PTPRF: variants seen among roughly 807,000 people sequenced by gnomAD.
The protein encoded by PTPRF is protein tyrosine phosphatase receptor type F.
A neutral mutation model predicts 201.8 loss-of-function variants in PTPRF; 59 were observed. The observed-to-expected ratio is 0.29, with a 90% CI of 0.24 to 0.36. PTPRF has a LOEUF of 0.36. Among genes scored for constraint, PTPRF ranks in the 10% least tolerant of loss-of-function variants. PTPRF has a pLI of 1.00. For missense variants in PTPRF, 2,132 were observed against 2,690.5 expected, an observed-to-expected ratio of 0.79 and a Z score of 4.59; for synonymous variants, 1,088 against 1,089.7, an observed-to-expected ratio of 1.00 and a Z score of 0.03.
intron 33 of PTPRF, 35 bp from the exon 34 acceptor site, chr1:43,621,900 C>T (rs372244650): frequency 1.6e-5 from 26 of 1,606,432 alleles, no homozygotes; most frequent in African/African-American, 4.0e-5. Flanking sequence ...TGTCCACTGG[C>T]GCGACCCACA....
rs1006220911 is a variant in PTPRF at position 43,598,027 on chromosome 1, C to T, written c.2093C>T (p.Pro698Leu). ...TDVGPGPESS[P>L]VLVRTDEDVP... ...GTGGGCCCCGGCCCCGAGAGCAGCC[C>T]GGTGCTGGTGCGCACCGATGAGGAC... The change falls in exon 12 of 34, where the codon CCG (proline) becomes CTG (leucine). Residue 698 changes from proline (P) to leucine (L), a missense_variant. Pro to Leu is a moderately conservative substitution (Grantham distance 98). Around this residue, in one of 6 missense-constraint regions of PTPRF, gnomAD observed 125 missense variants for 211.9 expected, o/e 0.59. Transcript: ENST00000359947. 1.5e-5 allele frequency: 23 copies of T among 1,510,156 alleles called. No homozygotes were observed. The East Asian group carries it at 2.0e-4, about 13-fold the overall frequency. The allele number at this position is 1,510,156 out of a possible 1,614,324, so 93.5% of individuals were successfully genotyped here.
chr1:43,616,099 G>A (rs748833548), intron 23 of PTPRF, among the ~76,000 whole-genome samples: 4 of 151,876 alleles, frequency 2.6e-5, no homozygotes, highest in African/African-American at 4.8e-5. Context: ...GGTGTGGGGT[G>A]TGCTGCGGGG....
chr1:43,598,878 C>G lies in PTPRF; in HGVS notation c.2278C>G (p.Pro760Ala), dbSNP rs781530130. ...GGAGAATGGCGAGCCCCGTGGACTCCCCATCATCCAAGACGTCATGCTAGC... is the reference window on the plus strand; with the variant it reads ...GGAGAATGGCGAGCCCCGTGGACTCGCCATCATCCAAGACGTCATGCTAGC... ...RLENGEPRGLPIIQDVMLAEA... is the reference protein window; with the variant it reads ...RLENGEPRGLAIIQDVMLAEA... The change falls in exon 13 of 34, where the codon CCC (proline) becomes GCC (alanine). Residue 760 changes from proline to alanine, a missense_variant. Coordinates refer to ENST00000359947, the MANE Select transcript of PTPRF (RefSeq NM_002840.5). The G allele has an allele frequency of 1.9e-6, 3 of 1,614,114 alleles. No homozygotes were observed. In the South Asian group the frequency reaches 3.3e-5, roughly 18 times the overall value.
chr1:43,592,492 A>C lies in PTPRF; in HGVS notation c.1704A>C (p.Thr568=). 1 of 1,612,608 alleles carries C rather than the reference A, an allele frequency of 6.2e-7. No individual in the cohort carries two copies. The highest frequency in any genetic ancestry group is 8.5e-7 in the Non-Finnish European group (1 of 1,179,532). ...KVTFDPTSSY[T]LEDLKPDTLY... is the part of the protein sequence containing the mutation. ...CCTTCGACCCAACCTCCTCCTACAC[A>C]CTAGAGGACCTGAAGCCTGACACAC... is the stretch of plus-strand genomic sequence containing the variant. Residue 568 remains threonine (T), a synonymous_variant, in exon 11 of 34, where the codon ACA becomes ACC. Coordinates refer to ENST00000359947, the MANE Select transcript of PTPRF (RefSeq NM_002840.5).
intron 5 of PTPRF, among the ~76,000 whole-genome samples, chr1:43,568,158 G>A (rs1402697753): frequency 6.6e-6 from 1 of 152,136 alleles, no homozygotes; most frequent in East Asian, 1.9e-4. Context: ...TGCCGGGCGT[G>A]GTGGTGGGCG....
At chr1:43,560,133 G>A (rs941377310) in intron 5 of PTPRF, among the ~76,000 whole-genome samples, 10 of 149,652 alleles carry the variant, frequency 6.7e-5, no homozygotes, top group Non-Finnish European at 1.5e-4. Context: ...TGTACAATAG[G>A]TGGCATGCAG....
At chr1:43,530,525 T>C (rs1000275991), upstream of PTPRF, among the ~76,000 whole-genome samples, 13 of 152,128 alleles carry the variant, frequency 8.5e-5, no homozygotes, top group Non-Finnish European at 1.9e-4. This position sits in a 1 kb window ranked among gnomAD's most constrained non-coding sequence, Gnocchi z 4.1. Context: ...GGCTTTGGAC[T>C]CAATATTGGG....
At chr1:43,610,711 AG>A (rs1475569794) in intron 22 of PTPRF, among the ~76,000 whole-genome samples, 2 of 152,190 alleles carry the variant, frequency 1.3e-5, no homozygotes, top group Admixed American at 6.5e-5. Context: ...CTCTACTAAA[AG>A]TACAAAAATT....
At chr1:43,599,007 C>A in intron 13 of PTPRF, 94 bp downstream of exon 13, 1 of 1,364,224 alleles carries the variant, frequency 7.3e-7, no homozygotes, top group Non-Finnish European at 1.0e-6. Context: ...TCTTCCCCTG[C>A]CTGCCCTCAG....
intron 1 of PTPRF, among the ~76,000 whole-genome samples, chr1:43,532,836 G>A (rs1643732753): frequency 6.6e-6 from 1 of 151,892 alleles, no homozygotes; most frequent in African/African-American, 2.4e-5. Context: ...ACACTTTCTC[G>A]TACCCTCTTG....
chr1:43,558,450 T>C (rs1439744256), intron 5 of PTPRF, among the ~76,000 whole-genome samples: 3 of 152,080 alleles, frequency 2.0e-5, no homozygotes, highest in Admixed American at 2.0e-4. Flanking sequence ...AGGATTGTTA[T>C]TCCCAGTGTG....
intron 5 of PTPRF, among the ~76,000 whole-genome samples, chr1:43,565,251 G>C (rs1259427913): frequency 6.6e-6 from 1 of 152,092 alleles, no homozygotes; most frequent in Non-Finnish European, 1.5e-5. Context: ...ATCCACTTCT[G>C]AACCTTGGAT....
At chr1:43,617,028 C>T (rs1391550469) in intron 23 of PTPRF, among the ~76,000 whole-genome samples, 1 of 152,134 alleles carries the variant, frequency 6.6e-6, no homozygotes, top group African/African-American at 2.4e-5. Context: ...TCCCTTCCAT[C>T]TGTCCTGGCT....
intron 10 of PTPRF, 140 bp from the exon 11 acceptor site, chr1:43,592,317 C>T: frequency 9.3e-7 from 1 of 1,077,466 alleles, no homozygotes; most frequent in African/African-American, 1.6e-5. Flanking sequence ...TCCTTTTGTG[C>T]TCCATGTGGC....
upstream of PTPRF, chr1:43,528,463 T>A (rs1250731397): frequency 6.6e-6 from 1 of 152,260 alleles, no homozygotes; most frequent in Non-Finnish European, 1.5e-5. Context: ...AGTGCTGGGA[T>A]TGTAGGCGTA....
chr1:43,599,678 G>C (rs1321441164), intron 13 of PTPRF, among the ~76,000 whole-genome samples: 2 of 152,226 alleles, frequency 1.3e-5, no homozygotes, highest in Non-Finnish European at 2.9e-5. Context: ...CTTGGGGTGA[G>C]GTCCCTGGGG....
intron 16 of PTPRF, 27 bp from the exon 17 acceptor site, chr1:43,604,876 G>T (rs746342002): frequency 1.2e-6 from 2 of 1,605,270 alleles, no homozygotes; most frequent in Non-Finnish European, 1.7e-6. Flanking sequence ...ATACCCAGCA[G>T]AGCTGACTCT....
At chr1:43,615,553 T>G (rs1570689296) in intron 23 of PTPRF, among the ~76,000 whole-genome samples, 1 of 49,730 alleles carries the variant, frequency 2.0e-5, no homozygotes, top group South Asian at 4.4e-4. Context: ...TCTGTTGTCT[T>G]TTTTTTTTTT....
At chr1:43,598,693 G>C (rs1652991958) in intron 12 of PTPRF, 27 bp from the exon 13 acceptor site, 1 of 1,603,346 alleles carries the variant, frequency 6.2e-7, no homozygotes, top group African/African-American at 1.3e-5. Flanking sequence ...CTCCAGGCCT[G>C]ACTTCCTTCT....
Sources: allele counts gnomAD v4.1 joint callset (sites outside exome capture counted in the v4.1 genomes callset), GRCh38; gene constraint gnomAD v4.1.1; regional missense constraint gnomAD v4.1.1; non-coding constraint Gnocchi (gnomAD v3.1); transcripts MANE v1.5; gene names NCBI Gene and HGNC (gene_info 2026-07-23, HGNC 2026-07-21).